The following RIT2 variants were observed in gnomAD, a reference collection of about 807,000 sequenced individuals.
The protein encoded by RIT2 is GTP-binding protein Rit2.
Under a neutral mutation model 23.7 loss-of-function variants are expected in RIT2, and 24 were observed. That is an observed-to-expected ratio of 1.01 (90% CI 0.73 to 1.43). RIT2 has a LOEUF of 1.43. RIT2 is among the 40% of genes most tolerant of loss of function. RIT2 has a pLI of 0.00. For synonymous variants in RIT2, 107 were observed against 91.1 expected, an observed-to-expected ratio of 1.17 and a Z score of -0.99; for missense variants, 236 against 266.9, an observed-to-expected ratio of 0.88 and a Z score of 0.81.
intron 1 of RIT2, among the ~76,000 whole-genome samples, chr18:43,075,295 C>T (rs1912988616): frequency 6.6e-6 from 1 of 151,970 alleles, no homozygotes; most frequent in Non-Finnish European, 1.5e-5. Flanking sequence ...AGTTTTTTCA[C>T]ATTGATCTAT....
At chr18:42,895,803 G>C (rs1039061132) in intron 4 of RIT2, among the ~76,000 whole-genome samples, 1 of 152,194 alleles carries the variant, frequency 6.6e-6, no homozygotes, top group African/African-American at 2.4e-5. Context: ...TCACAATGCA[G>C]AGTGGAAGGA....
At chr18:42,883,741 T>C (rs550438867) in intron 4 of RIT2, among the ~76,000 whole-genome samples, 211 of 152,298 alleles carry the variant, frequency 1.4e-3, no homozygotes, top group African/African-American at 4.8e-3. Context: ...GAAGTTTGAT[T>C]TATCAGAGTT....
chr18:42,743,573 C>T lies in RIT2; in HGVS notation c.574G>A (p.Glu192Lys), dbSNP rs1422428322. ...CTGTCTTTTCTCTTCAGTTTCTTTT[C>T]CATCAAGGATGGCATGGACTCCTTC... is the stretch of plus-strand genomic sequence containing the variant. ...RKKESMPSLM[E>K]KKLKRKDSLW... Residue 192 changes from glutamate (E) to lysine (K), a missense_variant, in exon 5 of 5, where the codon GAA (glutamate) becomes AAA (lysine). Glu to Lys is a moderately conservative substitution (Grantham distance 56). Coordinates refer to ENST00000326695, the MANE Select transcript of RIT2 (RefSeq NM_002930.4). 1 of 1,614,086 alleles carries T rather than the reference C, an allele frequency of 6.2e-7. No individual in the cohort carries two copies.
At chr18:43,004,864 T>C (rs1377742873) in intron 2 of RIT2, among the ~76,000 whole-genome samples, 2 of 151,874 alleles carry the variant, frequency 1.3e-5, no homozygotes, top group African/African-American at 2.4e-5. Flanking sequence ...GCAGACTCAA[T>C]TACTATGCTG....
chr18:42,824,870 T>C (rs1906252303), intron 4 of RIT2, among the ~76,000 whole-genome samples: 1 of 151,900 alleles, frequency 6.6e-6, no homozygotes, highest in Non-Finnish European at 1.5e-5. Context: ...ACTTTATTGA[T>C]AGAATTTCAG....
chr18:42,925,896 T>C (rs1909168844), intron 3 of RIT2, among the ~76,000 whole-genome samples: 3 of 151,740 alleles, frequency 2.0e-5, no homozygotes, highest in Admixed American at 2.0e-4. Flanking sequence ...TATATATAAA[T>C]ATTGCTTATT....
intron 4 of RIT2, among the ~76,000 whole-genome samples, chr18:42,860,883 A>G (rs1028846377): frequency 5.3e-5 from 8 of 151,970 alleles, no homozygotes; most frequent in Non-Finnish European, 1.2e-4. Context: ...TGTATGAGGG[A>G]AAAAAAATCT....
At chr18:43,043,206 G>A (rs1912168555) in intron 1 of RIT2, among the ~76,000 whole-genome samples, 1 of 152,022 alleles carries the variant, frequency 6.6e-6, no homozygotes, top group Admixed American at 6.6e-5. Flanking sequence ...ATTCCTTGAA[G>A]GAACAATTTA....
At chr18:42,965,269 G>A (rs1910188825) in intron 3 of RIT2, among the ~76,000 whole-genome samples, 1 of 152,144 alleles carries the variant, frequency 6.6e-6, no homozygotes, top group Non-Finnish European at 1.5e-5. Flanking sequence ...AGAATGGGAA[G>A]AAAGTGAATC....
chr18:42,787,459 C>T (rs1438623952), intron 4 of RIT2, among the ~76,000 whole-genome samples: 2 of 151,740 alleles, frequency 1.3e-5, no homozygotes, highest in African/African-American at 2.4e-5. Flanking sequence ...ATAATAAACA[C>T]TCAATGCAGA....
intron 2 of RIT2, among the ~76,000 whole-genome samples, chr18:43,002,093 C>G (rs1293134576): frequency 2.6e-5 from 4 of 151,932 alleles, no homozygotes; most frequent in Non-Finnish European, 4.4e-5. Context: ...GTTCCAAAAC[C>G]TCAAAAGTAG....
At chr18:42,974,906 C>G (rs1910444683) in intron 2 of RIT2, among the ~76,000 whole-genome samples, 1 of 151,970 alleles carries the variant, frequency 6.6e-6, no homozygotes, top group South Asian at 2.1e-4. Context: ...AAAGAAGGCA[C>G]AAAATATTGA....
chr18:42,959,305 C>A (rs1910044931), intron 3 of RIT2, among the ~76,000 whole-genome samples: 1 of 152,098 alleles, frequency 6.6e-6, no homozygotes, highest in African/African-American at 2.4e-5. Flanking sequence ...TTAAAACAGT[C>A]ATTTTAAGAC....
At chr18:42,941,709 A>T (rs1374923300) in intron 3 of RIT2, among the ~76,000 whole-genome samples, 1 of 152,198 alleles carries the variant, frequency 6.6e-6, no homozygotes, top group African/African-American at 2.4e-5. Flanking sequence ...AACATGATAT[A>T]TTTAAGTAGA....
intron 2 of RIT2, among the ~76,000 whole-genome samples, chr18:43,028,859 A>G (rs578176390): frequency 2.6e-5 from 4 of 152,068 alleles, no homozygotes; most frequent in Admixed American, 6.6e-5. Flanking sequence ...GAGTGACTCT[A>G]TTAGTGTACA....
chr18:43,085,578 A>T (rs1162066955), intron 1 of RIT2, among the ~76,000 whole-genome samples: 1 of 152,132 alleles, frequency 6.6e-6, no homozygotes, highest in Non-Finnish European at 1.5e-5. Flanking sequence ...GAGTCTACAT[A>T]CATGAAGTTG....
At chr18:42,908,151 A>C (rs1291472929) in intron 4 of RIT2, among the ~76,000 whole-genome samples, 3 of 152,102 alleles carry the variant, frequency 2.0e-5, no homozygotes, top group Non-Finnish European at 2.9e-5. Context: ...AAAAAAGCAA[A>C]AATTTCACTG....
intron 1 of RIT2, among the ~76,000 whole-genome samples, chr18:43,063,850 A>G (rs1022792320): frequency 2.0e-5 from 3 of 152,202 alleles, no homozygotes; most frequent in Admixed American, 1.3e-4. Flanking sequence ...GGAAATGTCT[A>G]TTAGGTACCA....
At chr18:43,043,374 C>A (rs763377077) in intron 1 of RIT2, among the ~76,000 whole-genome samples, 2 of 152,060 alleles carry the variant, frequency 1.3e-5, no homozygotes, top group Non-Finnish European at 2.9e-5. Flanking sequence ...ATTTATGCAC[C>A]ACGTGGGCCA....
Sources: gnomAD v4.1 joint callset for allele counts (sites outside exome capture counted in the v4.1 genomes callset) on GRCh38, gnomAD v4.1.1 for gene constraint, MANE v1.5 for transcripts, NCBI Gene and HGNC (gene_info 2026-07-23, HGNC 2026-07-21) for gene names.